ANXA11: variants seen among roughly 807,000 people sequenced by gnomAD.
The protein encoded by ANXA11 is 56 kDa autoantigen.
A neutral mutation model predicts 64.7 loss-of-function variants in ANXA11; 57 were observed. The ratio of observed to expected loss-of-function variants is 0.88; its 90% confidence interval spans 0.71 to 1.10. ANXA11 has a LOEUF of 1.10. ANXA11 is among the 50% of genes least tolerant of loss of function. The probability of loss-of-function intolerance (pLI) is 0.00; values close to 1 mark genes in which losing one functional copy is unlikely to be tolerated. For synonymous variants in ANXA11, 260 were observed against 265.2 expected (o/e 0.98, Z 0.19); for missense variants, 675 against 670.7 (o/e 1.01, Z -0.07).
chr10:80,163,340 C>G lies in ANXA11; in HGVS notation c.1086+9G>C, dbSNP rs1411368709. ...TTAGGAAGTCCAGGGGCTTGGCCAT[C>G]ACACTCACCTGGGCATCTCTCTGGG... On this transcript the variant is annotated intron_variant, in intron 11 of 15. Coordinates refer to ENST00000422982, the MANE Select transcript of ANXA11 (RefSeq NM_145868.2). 6.2e-7 allele frequency: 1 copy of G among 1,612,830 alleles called. No individual in the cohort carries two copies. Among genetic ancestry groups the G allele is most frequent in the African/African-American group, 1.3e-5 (1 of 74,876 alleles).
At chr10:80,198,084 AG>A (rs1269291074) in intron 1 of ANXA11, among the ~76,000 whole-genome samples, 1 of 152,238 alleles carries the variant, frequency 6.6e-6, no homozygotes, top group African/African-American at 2.4e-5. Context: ...GCAAAGCCAC[AG>A]CAGCTTGCCA....
rs576842370 is a variant in ANXA11, at chr10:80,171,171, G to T, written c.56-256C>A. On this transcript the variant is annotated intron_variant, in intron 3 of 15. Coordinates refer to ENST00000422982, the MANE Select transcript of ANXA11 (RefSeq NM_145868.2). ...AAACACTCCCAAGACCCTCTGTGGG[G>T]TATTAAGGAGGCTGGGAGAGCCCAG... is the stretch of plus-strand genomic sequence containing the variant. 3 of 1,352,120 alleles carry T rather than the reference G, an allele frequency of 2.2e-6. No homozygotes were observed. In the African/African-American group the frequency reaches 4.4e-5, roughly 20 times the overall value. The allele number at this position is 1,352,120 out of a possible 1,614,324, so 83.8% of individuals were successfully genotyped here.
intron 1 of ANXA11, among the ~76,000 whole-genome samples, chr10:80,193,077 T>G (rs1333616857): frequency 1.3e-5 from 2 of 152,128 alleles, no homozygotes; most frequent in African/African-American, 4.8e-5. Flanking sequence ...CCAGACCAGT[T>G]TGGAACAATA....
At chr10:80,185,065 C>G (rs1418466538) in intron 1 of ANXA11, among the ~76,000 whole-genome samples, 1 of 152,162 alleles carries the variant, frequency 6.6e-6, no homozygotes, top group Admixed American at 6.6e-5. Flanking sequence ...GCATAATAAA[C>G]ACTTATAAAT....
In ANXA11 at chr10:80,162,170, A is replaced by G. The variant is rs114785543; in HGVS notation, c.1087-142T>C. On this transcript the variant is annotated intron_variant, in intron 11 of 15. Transcript: ENST00000422982. ...GCAACCTCTGAACTAGATGGCCTCT[A>G]AAGTGCCTGCTAGGCCTCAGGTAGC... 405 of 624,612 alleles carry G rather than the reference A, an allele frequency of 6.5e-4. 4 individuals are homozygous for G. In the African/African-American group the frequency reaches 6.6e-3, roughly 10 times the overall value. 38.7% of individuals were successfully genotyped at this position (624,612 alleles called of 1,614,324 possible).
rs1845146825 is a variant in ANXA11 at position 80,150,912 on chromosome 10, C to G, written c.*4941G>C. 4 of 152,186 alleles carry G rather than the reference C, an allele frequency of 2.6e-5. No homozygotes were observed. The allele number at this position is 152,186 out of a possible 1,614,324, so 9.4% of individuals were successfully genotyped here. ...TCTCTTACTAAATCCAGCTTTTATT[C>G]TTAGGTATTCACCTGATTGCTGTAA... On this transcript the variant is annotated 3_prime_UTR_variant, in exon 16 of 16. Transcript: ENST00000422982.
At chr10:80,194,452 C>G (rs2573375) in intron 1 of ANXA11, among the ~76,000 whole-genome samples, 96,052 of 151,894 alleles carry the variant, frequency 0.63, 31,411 homozygotes, top group African/African-American at 0.8. Context: ...CTCTAGCTAG[C>G]GAGATAAACA....
intron 1 of ANXA11, among the ~76,000 whole-genome samples, chr10:80,204,302 T>C (rs1159521889): frequency 3.3e-5 from 5 of 152,232 alleles, no homozygotes; most frequent in African/African-American, 1.2e-4. Flanking sequence ...GGGGCCCTGT[T>C]AATCCCCTGG....
chr10:80,197,689 G>A (rs12773794), intron 1 of ANXA11, among the ~76,000 whole-genome samples: 9,660 of 152,240 alleles, frequency 0.063, 408 homozygotes, highest in Non-Finnish European at 0.098. Context: ...TTGGGAGGCC[G>A]AGGCGGGAGG....
chr10:80,171,343 GT>G, intron 3 of ANXA11: 1 of 755,264 alleles, frequency 1.3e-6, no homozygotes, highest in South Asian at 4.3e-5. Context: ...GCGGGAGGGG[GT>G]TTGGCTGTTT....
chr10:80,167,176 T>C (rs1845779230), intron 6 of ANXA11, 50 bp downstream of exon 6: 14 of 1,581,150 alleles, frequency 8.9e-6, no homozygotes, highest in Non-Finnish European at 1.2e-5. Context: ...TGAAACTGCC[T>C]GGGAAATAGG....
Position 80,155,823 on chromosome 10 carries a change from G to T in ANXA11, c.*30C>A, listed in dbSNP as rs762214872. On this transcript the variant is annotated 3_prime_UTR_variant, in exon 16 of 16. Transcript: ENST00000422982. ...TTTCCTGGCACTGGTGTTGCCGGCA[G>T]GTGGGCAGAAGTGAGCCACCAGTCA... 1 of 1,608,768 alleles carries T rather than the reference G, an allele frequency of 6.2e-7. No homozygotes were observed. The highest frequency in any genetic ancestry group is 8.5e-7 in the Non-Finnish European group (1 of 1,175,476).
At chr10:80,159,073 G>A in intron 13 of ANXA11, 27 bp downstream of exon 13, 5 of 1,580,226 alleles carry the variant, frequency 3.2e-6, no homozygotes, top group Non-Finnish European at 4.3e-6. Flanking sequence ...GCCCCTGGCA[G>A]GTGGGCGGCA....
chr10:80,178,210 GCTCTCTCTCTCT>G (rs3060571), intron 1 of ANXA11, among the ~76,000 whole-genome samples: 1 of 149,168 alleles, frequency 6.7e-6, no homozygotes, highest in South Asian at 2.1e-4. Flanking sequence ...CAGAAGATCT[GCTCTCTCTCTCT>G]CTCTCTCTCT....
At chr10:80,165,502 G>A (rs1845684293) in intron 8 of ANXA11, among the ~76,000 whole-genome samples, 1 of 152,080 alleles carries the variant, frequency 6.6e-6, no homozygotes, top group African/African-American at 2.4e-5. Context: ...TCTGGAGCTG[G>A]GTCTCATAGT....
intron 1 of ANXA11, among the ~76,000 whole-genome samples, chr10:80,183,634 T>C (rs575948996): frequency 4.6e-5 from 7 of 152,330 alleles, no homozygotes; most frequent in South Asian, 2.1e-4. Flanking sequence ...CAGTGCTGCA[T>C]TGCAAAACGT....
At chr10:80,181,860 C>G (rs1410097358) in intron 1 of ANXA11, among the ~76,000 whole-genome samples, 2 of 152,206 alleles carry the variant, frequency 1.3e-5, no homozygotes, top group African/African-American at 2.4e-5. Context: ...GGTATAGGCA[C>G]TTTGGAAGAC....
At chr10:80,172,650 G>T (rs116419395) in intron 3 of ANXA11, among the ~76,000 whole-genome samples, 157 bp downstream of exon 3, 2 of 151,996 alleles carry the variant, frequency 1.3e-5, no homozygotes, top group African/African-American at 4.8e-5. Context: ...CCCCTGCCTC[G>T]GCTGGCTGTC....
intron 15 of ANXA11, chr10:80,156,905 C>T: frequency 1.4e-6 from 1 of 722,550 alleles, no homozygotes; most frequent in Non-Finnish European, 1.7e-6. Flanking sequence ...GCTACTGAGT[C>T]TAAGGTGGGA....
Sources: gnomAD v4.1 joint callset for allele counts (sites outside exome capture counted in the v4.1 genomes callset) on GRCh38, gnomAD v4.1.1 for gene constraint, MANE v1.5 for transcripts, NCBI Gene and HGNC (gene_info 2026-07-23, HGNC 2026-07-21) for gene names.